The following TIMD4 variants were observed in gnomAD, a reference collection of about 807,000 sequenced individuals.
TIMD4 encodes T-cell immunoglobulin and mucin domain-containing protein 4.
TIMD4 carries 31 observed loss-of-function variants against 41.2 expected under a neutral mutation model. The observed-to-expected ratio is 0.75, with a 90% confidence interval of 0.57 to 1.01. The LOEUF (loss-of-function observed/expected upper bound fraction) is 1.01, where lower values mean the gene tolerates loss of function less well. TIMD4 is among the 50% of genes least tolerant of loss of function. TIMD4 has a pLI of 0.00. For missense variants in TIMD4, 479 were observed against 472.5 expected, an observed-to-expected ratio of 1.01 and a Z score of -0.13; for synonymous variants, 204 against 177.1, an observed-to-expected ratio of 1.15 and a Z score of -1.21.
chr5:156,940,895 G>T (rs967876827), intron 5 of TIMD4, among the ~76,000 whole-genome samples: 1 of 152,270 alleles, frequency 6.6e-6, no homozygotes, highest in Non-Finnish European at 1.5e-5. Flanking sequence ...GTGGGGAAAA[G>T]AAAGAGAGAT....
chr5:156,944,880 A>T (rs1490139246), intron 5 of TIMD4, among the ~76,000 whole-genome samples: 8 of 152,138 alleles, frequency 5.3e-5, no homozygotes, highest in Admixed American at 4.6e-4. Context: ...GTCACTCTAC[A>T]TCTCTGAGCT....
chr5:156,951,913 G>T, intron 2 of TIMD4, 123 bp from the exon 3 acceptor site: 1 of 1,311,656 alleles, frequency 7.6e-7, no homozygotes, highest in Non-Finnish European at 1.1e-6. Context: ...CTGGACGATT[G>T]TAATGCCCAA....
chr5:156,919,939 T>A (rs961306479), intron 8 of TIMD4, among the ~76,000 whole-genome samples: 22 of 152,172 alleles, frequency 1.4e-4, no homozygotes, highest in Non-Finnish European at 2.2e-4. Flanking sequence ...ATGCCTTTTT[T>A]AAAAATTTCT....
chr5:156,953,070 C>A (rs1759893165), intron 2 of TIMD4, among the ~76,000 whole-genome samples: 1 of 152,116 alleles, frequency 6.6e-6, no homozygotes, highest in Non-Finnish European at 1.5e-5. Flanking sequence ...CTCTAATGGA[C>A]CAGAAAGACA....
chr5:156,930,044 C>A (rs1004422928), intron 5 of TIMD4, among the ~76,000 whole-genome samples: 3 of 152,186 alleles, frequency 2.0e-5, no homozygotes, highest in African/African-American at 7.2e-5. Flanking sequence ...GATCTTGGCT[C>A]GCTGCAACCT....
chr5:156,950,832 G>C (rs561410896), intron 3 of TIMD4, among the ~76,000 whole-genome samples: 8 of 152,290 alleles, frequency 5.3e-5, no homozygotes, highest in African/African-American at 1.4e-4. Context: ...AATGGAACTG[G>C]AGTCTGACCA....
At chr5:156,926,947 T>C (rs936431203) in intron 5 of TIMD4, among the ~76,000 whole-genome samples, 3 of 152,214 alleles carry the variant, frequency 2.0e-5, no homozygotes, top group Admixed American at 6.5e-5. Flanking sequence ...GGAACCATAC[T>C]GAGAATCTAC....
chr5:156,961,254 A>C (rs1040817062), intron 1 of TIMD4, among the ~76,000 whole-genome samples: 2 of 152,228 alleles, frequency 1.3e-5, no homozygotes, highest in Non-Finnish European at 2.9e-5. Flanking sequence ...GGACGCAAAG[A>C]AAGAGGAACT....
At chr5:156,946,934 A>C (rs935375791) in intron 5 of TIMD4, among the ~76,000 whole-genome samples, 3 of 151,572 alleles carry the variant, frequency 2.0e-5, no homozygotes, top group Admixed American at 1.3e-4. Flanking sequence ...AAGGTGGCTC[A>C]TGCCTGCAAC....
chr5:156,955,554 G>A (rs1352885828), intron 1 of TIMD4, among the ~76,000 whole-genome samples: 1 of 152,032 alleles, frequency 6.6e-6, no homozygotes, highest in Admixed American at 6.6e-5. Context: ...TACTCAGGAG[G>A]CTGAGGCAGG....
intron 7 of TIMD4, among the ~76,000 whole-genome samples, chr5:156,921,419 G>A (rs1759235200): frequency 6.6e-6 from 1 of 151,710 alleles, no homozygotes. Context: ...TCAGGAGTTT[G>A]AGTCCAACCT....
chr5:156,963,036 G>T, intron 1 of TIMD4, 105 bp downstream of exon 1: 9 of 1,118,276 alleles, frequency 8.0e-6, no homozygotes, highest in South Asian at 1.3e-5. Context: ...ATGCAGAAAT[G>T]AAGTGAGCTT....
intron 1 of TIMD4, among the ~76,000 whole-genome samples, chr5:156,961,837 G>A (rs202157648): frequency 0.13 from 7,538 of 58,630 alleles, 9 homozygotes; most frequent in Middle Eastern, 0.17. Flanking sequence ...AAAAAAAAAA[G>A]AAAGAAAAAA....
At chr5:156,933,523 T>TA in intron 5 of TIMD4, among the ~76,000 whole-genome samples, 1 of 135,516 alleles carries the variant, frequency 7.4e-6, no homozygotes. Context: ...ATAATCTCTT[T>TA]ATCTGTTCAT....
intron 3 of TIMD4, among the ~76,000 whole-genome samples, chr5:156,950,004 G>A (rs1042264573): frequency 6.6e-6 from 1 of 152,124 alleles, no homozygotes; most frequent in Non-Finnish European, 1.5e-5. Context: ...TTTAGTAAGA[G>A]ATGGGGTTTC....
intron 5 of TIMD4, among the ~76,000 whole-genome samples, chr5:156,938,334 G>A (rs759385354): frequency 5.3e-5 from 8 of 152,124 alleles, no homozygotes; most frequent in Non-Finnish European, 1.0e-4. Context: ...AGACTCATCT[G>A]AGGTTTGTTA....
intron 5 of TIMD4, among the ~76,000 whole-genome samples, chr5:156,927,587 A>C: frequency 6.6e-6 from 1 of 152,252 alleles, no homozygotes; most frequent in East Asian, 1.9e-4. Flanking sequence ...GGAAGAGCCA[A>C]GAAGAGAGTT....
intron 5 of TIMD4, among the ~76,000 whole-genome samples, chr5:156,932,582 T>C (rs1462422623): frequency 6.6e-6 from 1 of 152,168 alleles, no homozygotes; most frequent in South Asian, 2.1e-4. Context: ...GTTTCCTGGA[T>C]TGGACAATGT....
intron 5 of TIMD4, among the ~76,000 whole-genome samples, chr5:156,946,368 A>G (rs886610852): frequency 4.2e-4 from 64 of 152,322 alleles, no homozygotes; most frequent in African/African-American, 1.4e-3. Context: ...AGTGCAGGCC[A>G]AAGCGTCTTA....
Sources: gnomAD v4.1 joint callset for allele counts (sites outside exome capture counted in the v4.1 genomes callset) on GRCh38, gnomAD v4.1.1 for gene constraint, MANE v1.5 for transcripts, NCBI Gene and HGNC (gene_info 2026-07-23, HGNC 2026-07-21) for gene names.